FMN2: variants seen among roughly 807,000 people sequenced by gnomAD.
FMN2 encodes formin-2.
FMN2 carries 51 observed loss-of-function variants against 142.3 expected under a neutral mutation model. That is an observed-to-expected ratio of 0.36 (90% CI 0.29 to 0.45). The LOEUF (loss-of-function observed/expected upper bound fraction) is 0.45, where lower values mean the gene tolerates loss of function less well. FMN2 is among the 20% of genes least tolerant of loss of function. FMN2 has a pLI of 1.00. For missense variants in FMN2, 1,936 were observed against 2,122.8 expected, an observed-to-expected ratio of 0.91 and a Z score of 1.73; for synonymous variants, 882 against 869.8, an observed-to-expected ratio of 1.01 and a Z score of -0.25.
At chr1:240,178,601 C>G (rs1665025835) in intron 3 of FMN2, among the ~76,000 whole-genome samples, 1 of 152,008 alleles carries the variant, frequency 6.6e-6, no homozygotes, top group South Asian at 2.1e-4. Flanking sequence ...ACCACCACGT[C>G]CAGCTAATTT....
Position 240,092,946 on chromosome 1 carries a change from G to T in FMN2, c.837G>T (p.Leu279=). 7.0e-7 allele frequency: 1 copy of T among 1,427,110 alleles called. No individual in the cohort carries two copies. The highest frequency in any genetic ancestry group is 9.1e-7 in the Non-Finnish European group (1 of 1,098,842). 88.4% of individuals were successfully genotyped at this position (1,427,110 alleles called of 1,614,324 possible). A position where few individuals can be genotyped will look rare whatever the true frequency, so the allele number is the denominator to read the frequency against. ...AGGCGCTGTCCGCGCTCTCCGACCT[G>T]CCCGAGAGCCTGGCCGCCGAGCCCC... The part of the protein sequence containing the change: ...TEQALSALSD[L]PESLAAEPRE... Residue 279 remains leucine, a synonymous_variant, in exon 1 of 18, where the codon CTG becomes CTT. Transcript: ENST00000319653.
At chr1:240,216,956 A>G (rs1158983240) in intron 6 of FMN2, among the ~76,000 whole-genome samples, 2 of 152,200 alleles carry the variant, frequency 1.3e-5, no homozygotes, top group Admixed American at 1.3e-4. Flanking sequence ...CTCAAAAAAA[A>G]AAAAAGTTAT....
chr1:240,344,337 C>T (rs1259850591), intron 13 of FMN2, among the ~76,000 whole-genome samples: 1 of 152,150 alleles, frequency 6.6e-6, no homozygotes, highest in African/African-American at 2.4e-5. Context: ...CCATGATTTC[C>T]TTCAAGTCAA....
At chr1:240,384,379 G>T (rs771468310) in intron 14 of FMN2, among the ~76,000 whole-genome samples, 1 of 152,152 alleles carries the variant, frequency 6.6e-6, no homozygotes, top group Non-Finnish European at 1.5e-5. Context: ...TGCTTTGCCT[G>T]TTGTATGATC....
chr1:240,273,569 A>G (rs1030867002), intron 7 of FMN2, among the ~76,000 whole-genome samples: 1 of 152,016 alleles, frequency 6.6e-6, no homozygotes, highest in Non-Finnish European at 1.5e-5. Flanking sequence ...GTTAGAGGCT[A>G]TGGTTGCTGT....
intron 13 of FMN2, among the ~76,000 whole-genome samples, chr1:240,349,508 C>A (rs1320979907): frequency 6.6e-6 from 1 of 151,994 alleles, no homozygotes; most frequent in Non-Finnish European, 1.5e-5. Context: ...AAAAAAATAG[C>A]CAGACTCTTC....
At chr1:240,161,469 C>T (rs531318933) in intron 2 of FMN2, among the ~76,000 whole-genome samples, 2 of 150,584 alleles carry the variant, frequency 1.3e-5, no homozygotes, top group South Asian at 4.2e-4. Context: ...GGAGGCGGAA[C>T]GTGCAGTGAG....
Position 240,332,303 on chromosome 1 carries a change from C to T in FMN2, c.4584+1554C>T, listed in dbSNP as rs529475153. Among the ~76,000 whole-genome samples the T allele has an allele frequency of 4.6e-5, 7 of 151,382 alleles. No individual in the cohort carries two copies. The East Asian group carries it at 5.8e-4, about 13-fold the overall frequency. ...GAAGCCGAGTGCAATAGCATGAGCC[C>T]GTAATCCCAGCTACTTGGGAGGACT... On this transcript the variant is annotated intron_variant, in intron 11 of 17. Coordinates refer to ENST00000319653, the MANE Select transcript of FMN2 (RefSeq NM_020066.5).
intron 14 of FMN2, among the ~76,000 whole-genome samples, chr1:240,379,851 A>G (rs1347696026): frequency 2.0e-5 from 3 of 152,130 alleles, no homozygotes; most frequent in African/African-American, 7.2e-5. Flanking sequence ...ATAGACCACT[A>G]GCTAGATTAA....
At chr1:240,190,304 T>C (rs1665651249) in intron 4 of FMN2, among the ~76,000 whole-genome samples, 1 of 152,220 alleles carries the variant, frequency 6.6e-6, no homozygotes, top group South Asian at 2.1e-4. Flanking sequence ...GAACAATATT[T>C]GGAAGCAATC....
intron 7 of FMN2, among the ~76,000 whole-genome samples, chr1:240,261,478 CCTT>C (rs1217389701): frequency 2.6e-5 from 4 of 151,922 alleles, no homozygotes; most frequent in African/African-American, 4.8e-5. Context: ...CATTTTCTCT[CCTT>C]CTTTGCTGTC....
chr1:240,159,911 A>ATATATATATATATCTGTG (rs1664194438), intron 2 of FMN2, among the ~76,000 whole-genome samples: 3 of 79,284 alleles, frequency 3.8e-5, no homozygotes, highest in South Asian at 4.7e-4. Context: ...CTGTGTATAT[A>ATATATATATATATCTGTG]TATATATATA....
At chr1:240,094,503 ACC>A (rs1297680634) in intron 1 of FMN2, among the ~76,000 whole-genome samples, 2 of 152,132 alleles carry the variant, frequency 1.3e-5, no homozygotes, top group Non-Finnish European at 2.9e-5. Context: ...ATAGACTCAT[ACC>A]CAGGGCGGCA....
intron 2 of FMN2, among the ~76,000 whole-genome samples, chr1:240,161,387 G>C (rs1235467029): frequency 6.6e-6 from 1 of 152,008 alleles, no homozygotes. Context: ...AAAACAATTA[G>C]CCAGGCGTGG....
intron 16 of FMN2, among the ~76,000 whole-genome samples, chr1:240,442,417 A>G (rs1015814513): frequency 6.6e-6 from 1 of 152,238 alleles, no homozygotes; most frequent in Admixed American, 6.5e-5. Context: ...GAGTGTTACC[A>G]TGATCAACAG....
chr1:240,358,669 A>G (rs892422968), intron 14 of FMN2, among the ~76,000 whole-genome samples: 1 of 152,062 alleles, frequency 6.6e-6, no homozygotes, highest in Non-Finnish European at 1.5e-5. Flanking sequence ...CCCTTATGAA[A>G]CCATTAGATC....
chr1:240,136,325 A>C (rs1005499916), intron 2 of FMN2, among the ~76,000 whole-genome samples: 2 of 152,284 alleles, frequency 1.3e-5, no homozygotes, highest in African/African-American at 4.8e-5. Context: ...CCGATCATGA[A>C]GTTTTCTGAG....
At position 240,091,942 on chromosome 1, in the gene FMN2, G is replaced by A. The variant is rs1660983430; in HGVS notation, c.-168G>A. ...CCGCCGCGCATTATGCAAAGCGGCG[G>A]CAGATGCGAGCGGGGCCAGCCGGGC... On this transcript the variant is annotated 5_prime_UTR_variant, in exon 1 of 18. Coordinates refer to ENST00000319653, the MANE Select transcript of FMN2 (RefSeq NM_020066.5). 4 of 1,155,902 alleles carry A rather than the reference G, an allele frequency of 3.5e-6. No individual in the cohort carries two copies. The highest frequency in any genetic ancestry group is 3.0e-4 in the Middle Eastern group (1 of 3,288). 71.6% of individuals were successfully genotyped at this position (1,155,902 alleles called of 1,614,324 possible).
chr1:240,373,057 A>C lies in FMN2; in HGVS notation c.4858+17149A>C, dbSNP rs565699620. On this transcript the variant is annotated intron_variant, in intron 14 of 17. Transcript: ENST00000319653. ...AAAAGTAGCGCGCGTGGTGGTGCAC[A>C]CCTGTAATCCCAGCTACTCAGGAGG... 2.0e-5 allele frequency among the ~76,000 whole-genome samples: 3 copies of C among 152,080 alleles called. No individual in the cohort carries two copies. The South Asian group carries it at 6.2e-4, about 32-fold the overall frequency.
Sources: allele counts gnomAD v4.1 joint callset (sites outside exome capture counted in the v4.1 genomes callset), GRCh38; gene constraint gnomAD v4.1.1; transcripts MANE v1.5; gene names NCBI Gene and HGNC (gene_info 2026-07-23, HGNC 2026-07-21).